DLG4: variants seen among roughly 807,000 people sequenced by gnomAD.
DLG4 encodes discs large MAGUK scaffold protein 4.
DLG4 carries 7 observed loss-of-function variants against 93.8 expected under a neutral mutation model. The ratio of observed to expected loss-of-function variants is 0.07; its 90% CI spans 0.04 to 0.14. The LOEUF is 0.14. DLG4 is among the 10% of genes least tolerant of loss of function. The pLI, the probability that DLG4 is intolerant of heterozygous loss-of-function variation, is 1.00. For synonymous variants in DLG4, 341 were observed against 387.6 expected (o/e 0.88, Z 1.41); for missense variants, 545 against 992.9 (o/e 0.55, Z 6.06).
At chr17:7,217,956 TG>T, upstream of DLG4, 1 of 835,164 alleles carries the variant, frequency 1.2e-6, no homozygotes, top group South Asian at 1.7e-5. Flanking sequence ...AGGCAATCCC[TG>T]GGGGCCTAGT....
chr17:7,203,477 C>A lies in DLG4; in HGVS notation c.452G>T (p.Arg151Leu). The A allele has an allele frequency of 6.2e-7, 1 of 1,612,690 alleles. No individual in the cohort carries two copies. The highest frequency in any genetic ancestry group is 8.5e-7 in the Non-Finnish European group (1 of 1,178,858). ...CATGACCTTCTCAGCCGGGGGCTTC[C>A]GGCGCATGACATAGAGGCGAACGAT... ...GSIVRLYVMR[R>L]KPPAEKVMEI... The change falls in exon 6 of 20, where the codon CGG becomes CTG. Residue 151 changes from arginine to leucine, a missense_variant. By Grantham distance (102) the Arg-to-Leu change is moderately radical (BLOSUM62 -2). This residue lies in a region of DLG4 where 30 missense variants were observed against 36.1 expected (regional missense o/e 0.83). Transcript: ENST00000399506. This position sits in a 1 kb window ranked among gnomAD's most constrained non-coding sequence, Gnocchi z 7.2.
Position 7,193,548 on chromosome 17 carries a change from G to C in DLG4, c.1628C>G (p.Thr543Ser), listed in dbSNP as rs1159955470. 13 of 1,534,318 alleles carry C rather than the reference G, an allele frequency of 8.5e-6. No homozygotes were observed. Among genetic ancestry groups the C allele is most frequent in the Non-Finnish European group, 1.1e-5 (13 of 1,147,086 alleles). ...AAGATCATCGTTGGCGCGGTCCTTG[G>C]TGGGCCCAAGGATGATGATGGGGCG... ...YARPIIILGP[T>S]KDRANDDLLS... is the part of the protein sequence containing the mutation. Residue 543 changes from threonine (T) to serine (S), a missense_variant, in exon 16 of 20, where the codon ACC becomes AGC. Physicochemically the swap from Thr to Ser is moderately conservative, Grantham distance 58 (BLOSUM62 1). Coordinates refer to ENST00000399506, the MANE Select transcript of DLG4 (RefSeq NM_001321075.3). This position sits in a 1 kb window ranked among gnomAD's most constrained non-coding sequence, Gnocchi z 6.7.
Position 7,192,038 on chromosome 17 carries a change from G to A in DLG4, c.1867-36C>T, listed in dbSNP as rs532298680. The A allele has an allele frequency of 5.0e-5, 63 of 1,248,030 alleles. No individual in the cohort carries two copies. In the Admixed American group the frequency reaches 5.9e-4, roughly 12 times the overall value. The allele number at this position is 1,248,030 out of a possible 1,614,324, so 77.3% of individuals were successfully genotyped here. A position where few individuals can be genotyped will look rare whatever the true frequency, so the allele number is the denominator to read the frequency against. ...GCAGGGTGGGCGGAGGGGGGCCAGC[G>A]GGTGGCGAGAAAGGACAGAGAGCAG... On this transcript the variant is annotated intron_variant, in intron 17 of 19. Coordinates refer to ENST00000399506, the MANE Select transcript of DLG4 (RefSeq NM_001321075.3).
At chr17:7,204,970 C>A in intron 2 of DLG4, 1 of 985,730 alleles carries the variant, frequency 1.0e-6, no homozygotes, top group Non-Finnish European at 1.2e-6. Context: ...GTCGTCAGGA[C>A]AACAGGGGGG....
Position 7,217,099 on chromosome 17 carries a change from GCCC to G in DLG4, c.30+16_30+18del, listed in dbSNP as rs755662999. The stretch of plus-strand genomic sequence containing the variant: ...ACTCATACCCTCCCCCCAGTTTATA[GCCC>G]CCCCATCATGCTTACCTTGGTTGTC... On this transcript the variant is annotated intron_variant, in intron 1 of 19. Transcript: ENST00000399506. 3.1e-6 allele frequency: 4 copies of G among 1,284,464 alleles called. No individual in the cohort carries two copies. Among genetic ancestry groups the G allele is most frequent in the Non-Finnish European group, 3.9e-6 (4 of 1,013,620 alleles). The allele number at this position is 1,284,464 out of a possible 1,614,324, so 79.6% of individuals were successfully genotyped here.
At chr17:7,219,845 G>A (rs2071094657), upstream of DLG4, 8 of 1,538,290 alleles carry the variant, frequency 5.2e-6, no homozygotes, top group Non-Finnish European at 6.1e-6. Context: ...ACAGCTCCCA[G>A]CATGCCCCGG....
Position 7,194,026 on chromosome 17 carries a change from G to T in DLG4, c.1479-26C>A. 6.2e-7 allele frequency: 1 copy of T among 1,611,818 alleles called. No individual in the cohort carries two copies. The highest frequency in any genetic ancestry group is 8.5e-7 in the Non-Finnish European group (1 of 1,179,116). ...CTGTGGGATACATGGAGGGATACGC[G>T]GGTAGGGGAATGCCTACCCCCTGCC... is the stretch of plus-strand genomic sequence containing the variant. On this transcript the variant is annotated intron_variant, in intron 12 of 19. Coordinates refer to ENST00000399506, the MANE Select transcript of DLG4 (RefSeq NM_001321075.3). The surrounding 1 kb of genome is among the most constrained non-coding windows in gnomAD (Gnocchi z 4.4).
chr17:7,193,610 G>A lies in DLG4; in HGVS notation c.1592-26C>T, dbSNP rs748544435. On this transcript the variant is annotated intron_variant, in intron 15 of 19. Transcript: ENST00000399506. The surrounding 1 kb of genome is among the most constrained non-coding windows in gnomAD (Gnocchi z 6.7). ...CTGCAGAGAGAGCCTGGCTTAGGCC[G>A]AGCGCAGGGTTGGGGGAGCAGCAAG... is the stretch of plus-strand genomic sequence containing the variant. 1.2e-5 allele frequency: 19 copies of A among 1,525,696 alleles called. No homozygotes were observed. The highest frequency in any genetic ancestry group is 5.6e-5 in the African/African-American group (4 of 71,846). 94.5% of individuals were successfully genotyped at this position (1,525,696 alleles called of 1,614,324 possible). A position where few individuals can be genotyped will look rare whatever the true frequency, so the allele number is the denominator to read the frequency against.
Position 7,203,273 on chromosome 17 carries a change from T to C in DLG4, c.562A>G (p.Ser188Gly). 3 of 1,610,748 alleles carry C rather than the reference T, an allele frequency of 1.9e-6. No individual in the cohort carries two copies. Among genetic ancestry groups the C allele is most frequent in the Non-Finnish European group, 2.5e-6 (3 of 1,177,192 alleles). The change falls in exon 7 of 20, where the codon AGC (serine) becomes GGC (glycine). Residue 188 changes from serine (S) to glycine (G), a missense_variant. Physicochemically the swap from Ser to Gly is moderately conservative, Grantham distance 56 (BLOSUM62 0). Around this residue, in one of 5 missense-constraint regions of DLG4, gnomAD observed 428 missense variants for 741.4 expected, o/e 0.58. Transcript: ENST00000399506. The surrounding 1 kb of genome is among the most constrained non-coding windows in gnomAD (Gnocchi z 7.2). ...TCGATGATCTTTGTTACATAGATGCTATTATCTCCTGGGATGTGCTGGTTC... is the reference window on the plus strand; with the variant it reads ...TCGATGATCTTTGTTACATAGATGCCATTATCTCCTGGGATGTGCTGGTTC... ...VGNQHIPGDNSIYVTKIIEGG... is the reference protein window; with the variant it reads ...VGNQHIPGDNGIYVTKIIEGG...
chr17:7,204,397 C>G (rs1168378007), intron 2 of DLG4, 145 bp from the exon 3 acceptor site: 1 of 710,226 alleles, frequency 1.4e-6, no homozygotes. Flanking sequence ...AAGGGCCCAG[C>G]CTCAATCCAC....
intron 19 of DLG4, 81 bp from the exon 20 acceptor site, chr17:7,190,895 G>A (rs2069454458): frequency 1.8e-6 from 2 of 1,141,418 alleles, no homozygotes; most frequent in Non-Finnish European, 2.6e-6. Context: ...CAGCCCAGAG[G>A]AAGGGGCACC....
At chr17:7,211,704 AAGGGGAGGGGGACTG>A (rs1370802883) in intron 1 of DLG4, 6 of 949,068 alleles carry the variant, frequency 6.3e-6, no homozygotes, top group Non-Finnish European at 7.4e-6. Context: ...CGACATGGAG[AAGGGGAGGGGGACTG>A]AGGGAAGGGG....
At position 7,194,278 on chromosome 17, in the gene DLG4, A is replaced by G; in HGVS notation, c.1478+41T>C. 2 of 1,577,238 alleles carry G rather than the reference A, an allele frequency of 1.3e-6. No homozygotes were observed. The highest frequency in any genetic ancestry group is 1.7e-6 in the Non-Finnish European group (2 of 1,161,768). ...CACCCCGGGGGACCTTGGGAACTTC[A>G]GTGCCTGTGGCAGGAAGGCTACAGA... is the stretch of plus-strand genomic sequence containing the variant. On this transcript the variant is annotated intron_variant, in intron 12 of 19. Coordinates refer to ENST00000399506, the MANE Select transcript of DLG4 (RefSeq NM_001321075.3). The surrounding 1 kb of genome is among the most constrained non-coding windows in gnomAD (Gnocchi z 4.4).
chr17:7,202,526 G>C (rs906459330), intron 8 of DLG4, among the ~76,000 whole-genome samples: 5 of 152,106 alleles, frequency 3.3e-5, no homozygotes, highest in Admixed American at 6.5e-5. Flanking sequence ...GAAGCAAAAC[G>C]GGTCTATACT....
rs147232488 is a variant in DLG4 at position 7,190,731 on chromosome 17, C to T, written c.2152G>A (p.Val718Ile). Residue 718 changes from valine (V) to isoleucine (I), a missense_variant, in exon 20 of 20, where the codon GTT becomes ATT. By Grantham distance (29) the Val-to-Ile change is conservative (BLOSUM62 3). This residue lies in a region of DLG4 where 428 missense variants were observed against 741.4 expected (regional missense o/e 0.58). Transcript: ENST00000399506. The part of the protein sequence containing the change: ...IEDLSGPYIW[V>I]PARERL Reference sequence around the variant, plus strand: ...AATCAGAGTCTCTCTCGGGCTGGAACCCAGATGTAGGGGCCTGAGAGGTCC... The same window carrying T: ...AATCAGAGTCTCTCTCGGGCTGGAATCCAGATGTAGGGGCCTGAGAGGTCC... The T allele has an allele frequency of 2.4e-3, 3,805 of 1,613,744 alleles. 7 individuals carry two copies. Among genetic ancestry groups the T allele is most frequent in the Non-Finnish European group, 2.9e-3 (3,424 of 1,179,724 alleles).
At position 7,188,153 on chromosome 17, in the gene DLG4, T is replaced by C. The variant is rs956190714; in HGVS notation, c.*2555A>G. 2.6e-4 allele frequency among the ~76,000 whole-genome samples: 39 copies of C among 151,564 alleles called. No homozygotes were observed. The highest frequency in any genetic ancestry group is 9.2e-4 in the African/African-American group (38 of 41,204). ...AAATCACCCGGGAGCTTTCCAGAAA[T>C]GCAGACCCCTGGTCCCTATCCCCAG... On this transcript the variant is annotated 3_prime_UTR_variant, in exon 20 of 20. Transcript: ENST00000399506.
intron 1 of DLG4, among the ~76,000 whole-genome samples, chr17:7,212,867 T>C (rs1442680644): frequency 2.6e-5 from 4 of 152,014 alleles, no homozygotes; most frequent in African/African-American, 9.7e-5. Flanking sequence ...ACCCCATCTC[T>C]ACTAAAACTA....
chr17:7,216,730 G>A (rs2070933187), intron 1 of DLG4, among the ~76,000 whole-genome samples: 1 of 151,918 alleles, frequency 6.6e-6, no homozygotes, highest in South Asian at 2.1e-4. Context: ...TTGGAAGCCA[G>A]CTTTTCCCTG....
At position 7,187,403 on chromosome 17, in the gene DLG4, G is replaced by A. The variant is rs1214671927; in HGVS notation, c.*3305C>T. 4.7e-5 allele frequency among the ~76,000 whole-genome samples: 7 copies of A among 148,612 alleles called. No individual in the cohort carries two copies. Among genetic ancestry groups the A allele is most frequent in the African/African-American group, 1.7e-4 (7 of 40,820 alleles). ...CTCTACTAAATACAAAAAATTAGCTGGGCGTGGTGGCATGCACCTGTAATC... is the reference window on the plus strand; with the variant it reads ...CTCTACTAAATACAAAAAATTAGCTAGGCGTGGTGGCATGCACCTGTAATC... On this transcript the variant is annotated 3_prime_UTR_variant, in exon 20 of 20. Transcript: ENST00000399506.
Sources: gnomAD v4.1 joint callset for allele counts (sites outside exome capture counted in the v4.1 genomes callset) on GRCh38, gnomAD v4.1.1 for gene constraint, gnomAD v4.1.1 regional missense constraint, Gnocchi (gnomAD v3.1) non-coding constraint, MANE v1.5 for transcripts, NCBI Gene and HGNC (gene_info 2026-07-23, HGNC 2026-07-21) for gene names.